The following SNX29 variants were observed in gnomAD, a reference collection of about 807,000 sequenced individuals.
SNX29 encodes sorting nexin-29.
A neutral mutation model predicts 102.1 loss-of-function variants in SNX29; 78 were observed. That is an observed-to-expected ratio of 0.76 (90% CI 0.64 to 0.92). The LOEUF is 0.92. Among genes scored for constraint, SNX29 ranks in the 40% least tolerant of loss-of-function variants. SNX29 has a pLI of 0.00. For synonymous variants in SNX29, 580 were observed against 414.5 expected (o/e 1.40, Z -4.85); for missense variants, 1,280 against 1,061.7 (o/e 1.21, Z -2.86).
At chr16:12,091,860 G>T (rs1439656186) in intron 11 of SNX29, among the ~76,000 whole-genome samples, 2 of 151,686 alleles carry the variant, frequency 1.3e-5, no homozygotes, top group African/African-American at 2.4e-5. Flanking sequence ...GGCGCCATCA[G>T]TGAACCAAGA....
chr16:12,178,594 T>A (rs2076313827), intron 13 of SNX29, among the ~76,000 whole-genome samples: 1 of 152,236 alleles, frequency 6.6e-6, no homozygotes, highest in African/African-American at 2.4e-5. Flanking sequence ...GCTCGCTTGA[T>A]AGGCCTTCTG....
chr16:12,317,000 A>G (rs2080766123), intron 15 of SNX29, among the ~76,000 whole-genome samples: 1 of 152,242 alleles, frequency 6.6e-6, no homozygotes, highest in Admixed American at 6.5e-5. Context: ...CCTCACATTC[A>G]GTGATTCCTT....
intron 18 of SNX29, among the ~76,000 whole-genome samples, chr16:12,426,011 C>G (rs2085063494): frequency 6.6e-6 from 1 of 151,958 alleles, no homozygotes; most frequent in African/African-American, 2.4e-5. Flanking sequence ...GGCCAGAGAC[C>G]TTTTAAAATT....
chr16:12,263,772 A>T (rs995458965), intron 14 of SNX29, among the ~76,000 whole-genome samples: 65 of 152,092 alleles, frequency 4.3e-4, no homozygotes, highest in East Asian at 3.9e-4. Flanking sequence ...ATATATATAT[A>T]TTTTTTGCTA....
chr16:12,565,650 G>T (rs992073505), intron 20 of SNX29, among the ~76,000 whole-genome samples: 15 of 152,194 alleles, frequency 9.9e-5, no homozygotes, highest in Admixed American at 6.5e-5. Context: ...ATATAGCCTC[G>T]TGACAGCTCA....
chr16:12,561,824 C>CCT (rs1348426961), intron 20 of SNX29, among the ~76,000 whole-genome samples: 1 of 152,076 alleles, frequency 6.6e-6, no homozygotes, highest in East Asian at 1.9e-4. Context: ...CAGCTTACAT[C>CCT]CTTCTCCCTG....
At chr16:12,458,102 C>G (rs779118770) in intron 18 of SNX29, among the ~76,000 whole-genome samples, 1 of 152,206 alleles carries the variant, frequency 6.6e-6, no homozygotes, top group Non-Finnish European at 1.5e-5. Flanking sequence ...GCAAAAAAGA[C>G]TGTGCATCTG....
intron 14 of SNX29, among the ~76,000 whole-genome samples, chr16:12,230,183 A>G (rs2077727949): frequency 6.6e-6 from 1 of 152,228 alleles, no homozygotes; most frequent in African/African-American, 2.4e-5. Flanking sequence ...AGCTTTCATT[A>G]GTTGTCAAAG....
intron 18 of SNX29, among the ~76,000 whole-genome samples, chr16:12,471,491 G>A (rs1361332801): frequency 6.6e-6 from 1 of 152,262 alleles, no homozygotes; most frequent in Middle Eastern, 3.4e-3. Flanking sequence ...GCTGGAATTC[G>A]AACCCATTTC....
intron 15 of SNX29, among the ~76,000 whole-genome samples, chr16:12,353,705 G>C (rs1325869671): frequency 6.6e-6 from 1 of 152,192 alleles, no homozygotes; most frequent in Non-Finnish European, 1.5e-5. Context: ...CATGTTTATG[G>C]AGCAGAGAAG....
chr16:12,356,073 A>T (rs1435712960), intron 15 of SNX29, 90 bp from the exon 16 acceptor site: 1 of 1,187,440 alleles, frequency 8.4e-7, no homozygotes, highest in East Asian at 2.6e-5. Flanking sequence ...TTTTGCTGAC[A>T]GGTGTCAGGA....
At chr16:12,127,964 T>C (rs2054290880) in intron 12 of SNX29, among the ~76,000 whole-genome samples, 1 of 152,098 alleles carries the variant, frequency 6.6e-6, no homozygotes, top group Non-Finnish European at 1.5e-5. Context: ...GGGGTGTGTG[T>C]TCACGTCACC....
chr16:12,052,304 C>T, intron 8 of SNX29, 82 bp downstream of exon 8: 2 of 1,497,406 alleles, frequency 1.3e-6, no homozygotes, highest in Non-Finnish European at 1.8e-6. Flanking sequence ...GCAACCTCCA[C>T]CTCCCGGGTT....
chr16:12,423,772 A>G (rs893502099), intron 18 of SNX29, among the ~76,000 whole-genome samples: 9 of 152,140 alleles, frequency 5.9e-5, no homozygotes, highest in African/African-American at 9.7e-5. Flanking sequence ...GGGTTTCGCT[A>G]TGTTGGCCAG....
chr16:12,448,367 C>T (rs568870830), intron 18 of SNX29, among the ~76,000 whole-genome samples: 5 of 152,192 alleles, frequency 3.3e-5, no homozygotes, highest in South Asian at 2.1e-4. Flanking sequence ...TATTGGACAG[C>T]GTTTTTACCT....
intron 14 of SNX29, among the ~76,000 whole-genome samples, chr16:12,239,475 A>G (rs971917603): frequency 1.3e-5 from 2 of 151,984 alleles, no homozygotes; most frequent in Non-Finnish European, 2.9e-5. Flanking sequence ...TACCAAGGAA[A>G]TGTCACCAAA....
chr16:12,280,654 T>C (rs1391177052), intron 15 of SNX29, among the ~76,000 whole-genome samples: 2 of 152,188 alleles, frequency 1.3e-5, no homozygotes, highest in Non-Finnish European at 2.9e-5. Context: ...TTCCTTCTTT[T>C]TTGGTTGCAA....
intron 13 of SNX29, among the ~76,000 whole-genome samples, chr16:12,192,288 G>A (rs111752872): frequency 6.6e-6 from 1 of 152,152 alleles, no homozygotes; most frequent in Non-Finnish European, 1.5e-5. Context: ...GGCTGGGAGT[G>A]GGAAGGAGTT....
At chr16:12,475,463 T>A (rs1448583231) in intron 18 of SNX29, among the ~76,000 whole-genome samples, 1 of 152,224 alleles carries the variant, frequency 6.6e-6, no homozygotes, top group Non-Finnish European at 1.5e-5. Flanking sequence ...TATTTCAGCT[T>A]CTTAACTCTG....
Sources: gnomAD v4.1 joint callset for allele counts (sites outside exome capture counted in the v4.1 genomes callset) on GRCh38, gnomAD v4.1.1 for gene constraint, MANE v1.5 for transcripts, NCBI Gene and HGNC (gene_info 2026-07-23, HGNC 2026-07-21) for gene names.